FSIP2: variants seen among roughly 807,000 people sequenced by gnomAD.
The protein encoded by FSIP2 is fibrous sheath interacting protein 2, also known as fibrous sheath-interacting protein 2.
In FSIP2, 367 loss-of-function variants were observed where a neutral mutation model predicts 510.5. The ratio of observed to expected loss-of-function variants is 0.72; its 90% confidence interval spans 0.66 to 0.78. FSIP2 has a LOEUF of 0.78. FSIP2 is among the 30% of genes least tolerant of loss of function. The pLI, the probability that FSIP2 is intolerant of heterozygous loss-of-function variation, is 0.00. For missense variants in FSIP2, 7,594 were observed against 7,901.7 expected (o/e 0.96, Z 1.48); for synonymous variants, 2,601 against 2,732.2 (o/e 0.95, Z 1.50).
intron 7 of FSIP2, among the ~76,000 whole-genome samples, chr2:185,748,274 C>A (rs1486130235): frequency 6.6e-6 from 1 of 151,538 alleles, no homozygotes; most frequent in South Asian, 2.1e-4. Flanking sequence ...TTTCTTCTTT[C>A]TTTTTTGTTT....
chr2:185,762,149 T>A lies in FSIP2; in HGVS notation c.1240+132T>A, dbSNP rs1056235500. Reference sequence around the variant, plus strand: ...TAAAAAATTAAGGCTGATATAAATTTTTTATGAATATAGATATTATAATTA... The same window carrying A: ...TAAAAAATTAAGGCTGATATAAATTATTTATGAATATAGATATTATAATTA... On this transcript the variant is annotated intron_variant, in intron 11 of 22. Coordinates refer to ENST00000424728, the MANE Select transcript of FSIP2 (RefSeq NM_173651.4). The A allele has an allele frequency of 2.9e-5, 15 of 511,046 alleles. No individual in the cohort carries two copies. In the Middle Eastern group the frequency reaches 3.3e-3, roughly 112 times the overall value. The allele number at this position is 511,046 out of a possible 1,614,324, so 31.7% of individuals were successfully genotyped here. A position where few individuals can be genotyped will look rare whatever the true frequency, so the allele number is the denominator to read the frequency against.
At chr2:185,831,260 A>T (rs906366563) in intron 21 of FSIP2, among the ~76,000 whole-genome samples, 1 of 151,852 alleles carries the variant, frequency 6.6e-6, no homozygotes, top group Non-Finnish European at 1.5e-5. Context: ...AGGCTATTTT[A>T]TGCTTCTCTG....
chr2:185,750,572 C>T (rs1397933759), intron 7 of FSIP2, among the ~76,000 whole-genome samples: 4 of 143,648 alleles, frequency 2.8e-5, no homozygotes, highest in Non-Finnish European at 6.1e-5. Flanking sequence ...TTTTCTCCAA[C>T]TGCTAGTTTT....
At chr2:185,774,705 A>G (rs1692680801) in intron 13 of FSIP2, among the ~76,000 whole-genome samples, 2 of 132,824 alleles carry the variant, frequency 1.5e-5, no homozygotes, top group Non-Finnish European at 3.2e-5. Context: ...AGCATTAGGT[A>G]TATCTCCCAA....
Position 185,791,075 on chromosome 2 carries a change from C to G in FSIP2, c.3939C>G (p.His1313Gln). 1 of 1,531,722 alleles carries G rather than the reference C, an allele frequency of 6.5e-7. No individual in the cohort carries two copies. Among genetic ancestry groups the G allele is most frequent in the African/African-American group, 1.4e-5 (1 of 72,826 alleles). The allele number at this position is 1,531,722 out of a possible 1,614,324, so 94.9% of individuals were successfully genotyped here. The change falls in exon 16 of 23, where the codon CAC becomes CAG. Residue 1313 changes from histidine (H) to glutamine (Q), a missense_variant. Coordinates refer to ENST00000424728, the MANE Select transcript of FSIP2 (RefSeq NM_173651.4). ...LCAIQNELEL[H>Q]KENLNLREID... ...CTATCCAGAATGAACTGGAACTTCACAAGGAAAACCTAAATCTTAGGGAGA... is the reference window on the plus strand; with the variant it reads ...CTATCCAGAATGAACTGGAACTTCAGAAGGAAAACCTAAATCTTAGGGAGA...
At position 185,795,081 on chromosome 2, in the gene FSIP2, A is replaced by G; in HGVS notation, c.7945A>G (p.Lys2649Glu). ...KITNFVSLPL[K>E]VSPKDNPKPC... ...CACAAATTTTGTCTCACTTCCTTTA[A>G]AGGTGAGCCCTAAGGACAACCCTAA... is the stretch of plus-strand genomic sequence containing the variant. The change falls in exon 16 of 23, where the codon AAG (lysine) becomes GAG (glutamate). Residue 2649 changes from lysine to glutamate, a missense_variant. Transcript: ENST00000424728. 1 of 1,534,816 alleles carries G rather than the reference A, an allele frequency of 6.5e-7. No homozygotes were observed. The highest frequency in any genetic ancestry group is 8.7e-7 in the Non-Finnish European group (1 of 1,146,058).
In FSIP2 at chr2:185,794,665, A is replaced by T; in HGVS notation, c.7529A>T (p.Glu2510Val). Residue 2510 changes from glutamate to valine, a missense_variant, in exon 16 of 23, where the codon GAA becomes GTA. Transcript: ENST00000424728. Reference sequence around the variant, plus strand: ...ACAGGCCATTTGCCTCCACTTAATGAAACTGCCAACTTTATATCTAATTCT... The same window carrying T: ...ACAGGCCATTTGCCTCCACTTAATGTAACTGCCAACTTTATATCTAATTCT... Reference protein sequence around the residue: ...EVTGHLPPLNETANFISNSKI... With the variant: ...EVTGHLPPLNVTANFISNSKI... 1 of 1,533,010 alleles carries T rather than the reference A, an allele frequency of 6.5e-7. No homozygotes were observed. Among genetic ancestry groups the T allele is most frequent in the Non-Finnish European group, 8.7e-7 (1 of 1,145,400 alleles). 95.0% of individuals were successfully genotyped at this position (1,533,010 alleles called of 1,614,324 possible). A position where few individuals can be genotyped will look rare whatever the true frequency, so the allele number is the denominator to read the frequency against.
At position 185,796,260 on chromosome 2, in the gene FSIP2, A is replaced by G. The variant is rs1409047718; in HGVS notation, c.9124A>G (p.Lys3042Glu). The G allele has an allele frequency of 6.5e-7, 1 of 1,531,642 alleles. No homozygotes were observed. The highest frequency in any genetic ancestry group is 2.5e-5 in the East Asian group (1 of 40,806). 94.9% of individuals were successfully genotyped at this position (1,531,642 alleles called of 1,614,324 possible). ...QKLLNKKMLP[K>E]LQPLKMFSDK... is the part of the protein sequence containing the mutation. Reference sequence around the variant, plus strand: ...ACTGTTAAACAAAAAAATGTTGCCAAAATTACAACCACTGAAAATGTTTTC... The same window carrying G: ...ACTGTTAAACAAAAAAATGTTGCCAGAATTACAACCACTGAAAATGTTTTC... The change falls in exon 16 of 23, where the codon AAA becomes GAA. Residue 3042 changes from lysine (K) to glutamate (E), a missense_variant. Transcript: ENST00000424728.
At chr2:185,819,473 T>A (rs751384367) in intron 19 of FSIP2, among the ~76,000 whole-genome samples, 1 of 151,786 alleles carries the variant, frequency 6.6e-6, no homozygotes, top group Admixed American at 6.6e-5. Flanking sequence ...TAAGAATACA[T>A]GTAGGTTGAA....
rs1157569681 is a variant in FSIP2, at chr2:185,801,162, G to A, written c.11856G>A (p.Met3952Ile). The A allele has an allele frequency of 6.5e-7, 1 of 1,533,930 alleles. No homozygotes were observed. Among genetic ancestry groups the A allele is most frequent in the Non-Finnish European group, 8.7e-7 (1 of 1,145,488 alleles). The change falls in exon 17 of 23, where the codon ATG becomes ATA. Residue 3952 changes from methionine to isoleucine, a missense_variant. Transcript: ENST00000424728. ...TTGAAAGACAGAGAACAAAGGAAAT[G>A]GATAAGGTAGCCATTCATAATAAGC... ...SPFERQRTKE[M>I]DKVAIHNKLH...
Position 185,808,476 on chromosome 2 carries a change from A to G in FSIP2, c.19170A>G (p.Thr6390=). 1 of 1,607,738 alleles carries G rather than the reference A, an allele frequency of 6.2e-7. No homozygotes were observed. Among genetic ancestry groups the G allele is most frequent in the South Asian group, 1.1e-5 (1 of 89,578 alleles). ...KIASQLSKLV[T]AEISRSSISL... ...CATCTCAACTGTCAAAATTGGTAACAGCTGAAATTTCCAGAAGTAGCATTA... is the reference window on the plus strand; with the variant it reads ...CATCTCAACTGTCAAAATTGGTAACGGCTGAAATTTCCAGAAGTAGCATTA... The change falls in exon 17 of 23, where the codon ACA becomes ACG. Residue 6390 remains threonine (T), a synonymous_variant. Coordinates refer to ENST00000424728, the MANE Select transcript of FSIP2 (RefSeq NM_173651.4).
chr2:185,799,667 T>C (rs1351394754), intron 16 of FSIP2, 30 bp from the exon 17 acceptor site: 1 of 1,085,522 alleles, frequency 9.2e-7, no homozygotes, highest in East Asian at 2.7e-5. Flanking sequence ...CTTTAATCCA[T>C]GCTAAAATTA....
chr2:185,740,247 T>C (rs150803406), intron 2 of FSIP2: 59 of 152,360 alleles, frequency 3.9e-4, no homozygotes, highest in African/African-American at 1.3e-3. Context: ...CGTTAGCTTA[T>C]TTTTGCTTAG....
chr2:185,782,602 C>G (rs759523176), intron 13 of FSIP2, 103 bp from the exon 14 acceptor site: 2 of 720,190 alleles, frequency 2.8e-6, no homozygotes, highest in Non-Finnish European at 4.8e-6. Context: ...AGCCTGTAAA[C>G]GAGGCAGTGA....
chr2:185,744,300 C>T, intron 3 of FSIP2, 22 bp from the exon 4 acceptor site: 1 of 570,798 alleles, frequency 1.8e-6, no homozygotes, highest in Non-Finnish European at 2.6e-6. Flanking sequence ...AAATATCCAT[C>T]TGTTTTCATT....
At chr2:185,757,178 C>T (rs1692261333) in intron 9 of FSIP2, among the ~76,000 whole-genome samples, 1 of 151,392 alleles carries the variant, frequency 6.6e-6, no homozygotes, top group African/African-American at 2.4e-5. Context: ...ATTTCTAAAG[C>T]AGTTATCTCA....
At chr2:185,825,282 T>A (rs1693995348) in intron 20 of FSIP2, among the ~76,000 whole-genome samples, 1 of 151,798 alleles carries the variant, frequency 6.6e-6, no homozygotes, top group Non-Finnish European at 1.5e-5. Context: ...TTATACTTTG[T>A]TAGATGCCAA....
At position 185,792,915 on chromosome 2, in the gene FSIP2, A is replaced by AATTTAGAAACTTT; in HGVS notation, c.5780_5792dup (p.Phe1931LeufsTer47). Reference sequence around the variant, plus strand: ...AGATATTGTACAGGCAATATTAACAAATTTAGAAACTTTTGCTACTTCCAA... The same window carrying AATTTAGAAACTTT: ...AGATATTGTACAGGCAATATTAACAAATTTAGAAACTTTATTTAGAAACTTTTGCTACTTCCAA... On this transcript the variant is annotated frameshift_variant, in exon 16 of 23. Coordinates refer to ENST00000424728, the MANE Select transcript of FSIP2 (RefSeq NM_173651.4). LOFTEE classifies it high-confidence loss of function. The AATTTAGAAACTTT allele has an allele frequency of 1.3e-6, 2 of 1,534,050 alleles. No individual in the cohort carries two copies. The highest frequency in any genetic ancestry group is 2.4e-5 in the South Asian group (2 of 84,016).
intron 9 of FSIP2, among the ~76,000 whole-genome samples, chr2:185,758,079 G>A (rs2105551695): frequency 1.3e-5 from 2 of 151,188 alleles, no homozygotes; most frequent in Middle Eastern, 6.8e-3. Flanking sequence ...CATATAAATG[G>A]AATCATACAT....
Sources: allele counts gnomAD v4.1 joint callset (sites outside exome capture counted in the v4.1 genomes callset), GRCh38; gene constraint gnomAD v4.1.1; transcripts MANE v1.5; gene names NCBI Gene and HGNC (gene_info 2026-07-23, HGNC 2026-07-21).